The following CDH4 variants were observed in gnomAD, a reference collection of about 807,000 sequenced individuals.
CDH4 encodes cadherin-4.
A neutral mutation model predicts 86.0 loss-of-function variants in CDH4; 33 were observed. The observed-to-expected ratio is 0.38, with a 90% confidence interval of 0.29 to 0.51. CDH4 has a LOEUF of 0.51. CDH4 is among the 20% of genes least tolerant of loss of function. CDH4 has a pLI of 0.86. For synonymous variants in CDH4, 555 were observed against 549.4 expected (o/e 1.01, Z -0.14); for missense variants, 1,114 against 1,307.4 (o/e 0.85, Z 2.28).
At chr20:61,611,988 T>C (rs566185970) in intron 2 of CDH4, among the ~76,000 whole-genome samples, 1 of 152,090 alleles carries the variant, frequency 6.6e-6, no homozygotes, top group Non-Finnish European at 1.5e-5. Context: ...CTTCAGCTCA[T>C]GCATTTTTCT....
rs907569148 is a variant in CDH4 at position 61,714,288 on chromosome 20, C to T, written c.170-29275C>T. On this transcript the variant is annotated intron_variant, in intron 2 of 15. Coordinates refer to ENST00000614565, the MANE Select transcript of CDH4 (RefSeq NM_001794.5). ...GTCTCCATCTCCTGACCTCATGATC[C>T]GCCCGCCTCAGCTTCCCAAAGTGCT... is the stretch of plus-strand genomic sequence containing the variant. Among the ~76,000 whole-genome samples, 11 of 152,164 alleles carry T rather than the reference C, an allele frequency of 7.2e-5. No homozygotes were observed. The South Asian group carries it at 1.3e-3, about 17-fold the overall frequency.
Position 61,582,374 on chromosome 20 carries a change from C to T in CDH4, c.170-161189C>T, listed in dbSNP as rs143522219. On this transcript the variant is annotated intron_variant, in intron 2 of 15. Transcript: ENST00000614565. This position sits in a 1 kb window ranked among gnomAD's most constrained non-coding sequence, Gnocchi z 4.2. ...CGCAGTGAAAAAGGCAGCGTGAGCC[C>T]TGGGGCTTTCCCAGGGCCATCCCCC... is the stretch of plus-strand genomic sequence containing the variant. Among the ~76,000 whole-genome samples, 3,166 of 152,322 alleles carry T rather than the reference C, an allele frequency of 0.021. 60 individuals carry two copies. Among genetic ancestry groups the T allele is most frequent in the Non-Finnish European group, 0.028 (1,919 of 68,020 alleles).
chr20:61,518,016 G>T lies in CDH4; in HGVS notation c.170-225547G>T, dbSNP rs2085836265. Among the ~76,000 whole-genome samples, 1 of 144,690 alleles carries T rather than the reference G, an allele frequency of 6.9e-6. No homozygotes were observed. Among genetic ancestry groups the T allele is most frequent in the South Asian group, 2.4e-4 (1 of 4,188 alleles). 94.9% of individuals were successfully genotyped at this position (144,690 alleles called of 152,430 possible). A position where few individuals can be genotyped will look rare whatever the true frequency, so the allele number is the denominator to read the frequency against. ...GCTGCCTGCCTCCCCGTGCGGGGAGGATGCCTCAGCCCAGGTTACCTGATC... is the reference window on the plus strand; with the variant it reads ...GCTGCCTGCCTCCCCGTGCGGGGAGTATGCCTCAGCCCAGGTTACCTGATC... On this transcript the variant is annotated intron_variant, in intron 2 of 15. Transcript: ENST00000614565. This position sits in a 1 kb window ranked among gnomAD's most constrained non-coding sequence, Gnocchi z 6.3.
At chr20:61,383,188 T>A (rs2084916075) in intron 2 of CDH4, among the ~76,000 whole-genome samples, 1 of 78,968 alleles carries the variant, frequency 1.3e-5, no homozygotes, top group South Asian at 2.8e-4. Flanking sequence ...TATGAATATA[T>A]ATGAATATAT....
At chr20:61,907,429 G>A (rs113120065) in intron 8 of CDH4, among the ~76,000 whole-genome samples, 41 of 151,958 alleles carry the variant, frequency 2.7e-4, no homozygotes, top group Non-Finnish European at 4.7e-4. Flanking sequence ...GCTGAGATCA[G>A]GCAGGCAGCT....
intron 2 of CDH4, among the ~76,000 whole-genome samples, chr20:61,504,617 A>G (rs1320103141): frequency 6.6e-6 from 1 of 152,216 alleles, no homozygotes; most frequent in Non-Finnish European, 1.5e-5. Flanking sequence ...GCTGCTTTTC[A>G]GCAGAGCGGA....
At chr20:61,298,420 C>G (rs1388093541) in intron 2 of CDH4, among the ~76,000 whole-genome samples, 1 of 152,108 alleles carries the variant, frequency 6.6e-6, no homozygotes, top group Non-Finnish European at 1.5e-5. Flanking sequence ...TCACTTCTCC[C>G]CCACACCCCT....
intron 2 of CDH4, among the ~76,000 whole-genome samples, chr20:61,716,305 A>G (rs116579634): frequency 0.026 from 3,529 of 136,822 alleles, 218 homozygotes; most frequent in African/African-American, 0.098. Flanking sequence ...AGGGGTGGAC[A>G]CTCCTCACCC....
intron 2 of CDH4, among the ~76,000 whole-genome samples, chr20:61,450,525 A>G (rs2085373639): frequency 6.6e-6 from 1 of 152,222 alleles, no homozygotes; most frequent in Non-Finnish European, 1.5e-5. Flanking sequence ...CAGAGGATTT[A>G]TTAAGGAAGA....
rs924099979 is a variant in CDH4 at position 61,507,314 on chromosome 20, G to A, written c.170-236249G>A. Among the ~76,000 whole-genome samples, 8 of 152,312 alleles carry A rather than the reference G, an allele frequency of 5.3e-5. 1 individual carries two copies. Among genetic ancestry groups the A allele is most frequent in the Admixed American group, 2.0e-4 (3 of 15,302 alleles). ...ATTATAATAACCGTCTTCAGATAACGTGGTGTTAAATTAGCTCACTCAACA... is the reference window on the plus strand; with the variant it reads ...ATTATAATAACCGTCTTCAGATAACATGGTGTTAAATTAGCTCACTCAACA... On this transcript the variant is annotated intron_variant, in intron 2 of 15. Coordinates refer to ENST00000614565, the MANE Select transcript of CDH4 (RefSeq NM_001794.5).
chr20:61,797,212 G>A lies in CDH4; in HGVS notation c.576+24030G>A, dbSNP rs575811364. Among the ~76,000 whole-genome samples, 3 of 152,268 alleles carry A rather than the reference G, an allele frequency of 2.0e-5. No individual in the cohort carries two copies. The South Asian group carries it at 6.2e-4, about 32-fold the overall frequency. ...CCATCCACTGCCCAAGGTGGGGAAG[G>A]GTTCACACCATCCATTCCGCAGGGT... On this transcript the variant is annotated intron_variant, in intron 4 of 15. Transcript: ENST00000614565.
intron 6 of CDH4, among the ~76,000 whole-genome samples, chr20:61,863,292 G>A (rs140840161): frequency 1.8e-3 from 276 of 152,316 alleles, no homozygotes; most frequent in African/African-American, 6.3e-3. Flanking sequence ...CAGCCGGGGC[G>A]GGGGATGCTG....
chr20:61,561,737 A>G (rs1428635206), intron 2 of CDH4, among the ~76,000 whole-genome samples: 3 of 152,258 alleles, frequency 2.0e-5, no homozygotes, highest in African/African-American at 7.2e-5. Context: ...TAATTTAGCC[A>G]CAAAATGAGC....
intron 2 of CDH4, among the ~76,000 whole-genome samples, chr20:61,652,938 A>ATTTTTTTTTTTT (rs763918382): frequency 1.4e-3 from 136 of 97,156 alleles, no homozygotes; most frequent in Non-Finnish European, 2.0e-3. Context: ...TTATTTATTT[A>ATTTTTTTTTTTT]TTTTTTTTTT....
chr20:61,908,443 G>A (rs1054763851), intron 8 of CDH4, among the ~76,000 whole-genome samples: 6 of 152,194 alleles, frequency 3.9e-5, no homozygotes, highest in African/African-American at 9.7e-5. Flanking sequence ...ACAGATGCAC[G>A]GAAGGGGCGC....
rs1318776250 is a variant in CDH4, at chr20:61,844,699, T to C, written c.608T>C (p.Ile203Thr). The change falls in exon 5 of 16, where the codon ATC (isoleucine) becomes ACC (threonine). Residue 203 changes from isoleucine to threonine, a missense_variant. By Grantham distance (89) the Ile-to-Thr change is moderately conservative. This residue lies in a region of CDH4 where 705 missense variants were observed against 914.1 expected (regional missense o/e 0.77). Coordinates refer to ENST00000614565, the MANE Select transcript of CDH4 (RefSeq NM_001794.5). ...IRSDKDNDIP[I>T]RYSITGVGAD... is the part of the protein sequence containing the mutation. Reference sequence around the variant, plus strand: ...TCCGACAAAGACAATGACATCCCCATCCGGTACAGCATCACGGGAGTGGGC... The same window carrying C: ...TCCGACAAAGACAATGACATCCCCACCCGGTACAGCATCACGGGAGTGGGC... 3 of 1,613,602 alleles carry C rather than the reference T, an allele frequency of 1.9e-6. No homozygotes were observed. In the African/African-American group the frequency reaches 4.0e-5, roughly 22 times the overall value.
intron 2 of CDH4, chr20:61,599,813 C>G: frequency 3.0e-6 from 3 of 985,720 alleles, no homozygotes; most frequent in Non-Finnish European, 3.6e-6. Context: ...GATGCTGCCC[C>G]TTTCCTGTTC....
At chr20:61,889,000 G>A (rs1984668198) in intron 7 of CDH4, among the ~76,000 whole-genome samples, 1 of 152,142 alleles carries the variant, frequency 6.6e-6, no homozygotes, top group African/African-American at 2.4e-5. Flanking sequence ...TCTCCCCATT[G>A]TTGGCTTTCT....
chr20:61,806,399 G>A (rs1022550327), intron 4 of CDH4, among the ~76,000 whole-genome samples: 6 of 152,206 alleles, frequency 3.9e-5, no homozygotes, highest in South Asian at 2.1e-4. Context: ...GGGGAGGACC[G>A]TCCACTCGCC....
Sources: allele counts gnomAD v4.1 joint callset (sites outside exome capture counted in the v4.1 genomes callset), GRCh38; gene constraint gnomAD v4.1.1; regional missense constraint gnomAD v4.1.1; non-coding constraint Gnocchi (gnomAD v3.1); transcripts MANE v1.5; gene names NCBI Gene and HGNC (gene_info 2026-07-23, HGNC 2026-07-21).